The following FHOD1 variants were observed in gnomAD, a reference collection of about 807,000 sequenced individuals.
FHOD1 encodes formin homology 2 domain containing 1.
A neutral mutation model predicts 111.6 loss-of-function variants in FHOD1; 89 were observed. The observed-to-expected ratio is 0.80, with a 90% CI of 0.67 to 0.95. The LOEUF (loss-of-function observed/expected upper bound fraction) is 0.95. FHOD1 is among the 40% of genes least tolerant of loss of function. The probability of loss-of-function intolerance (pLI) is 0.00; values close to 1 mark genes in which losing one functional copy is unlikely to be tolerated. For missense variants in FHOD1, 1,446 were observed against 1,554.2 expected (o/e 0.93, Z 1.17); for synonymous variants, 618 against 639.0 (o/e 0.97, Z 0.50).
chr16:67,235,148 G>A (rs1275564438), intron 11 of FHOD1, among the ~76,000 whole-genome samples: 2 of 152,176 alleles, frequency 1.3e-5, no homozygotes, highest in Non-Finnish European at 2.9e-5. Flanking sequence ...TTAGAGCAGG[G>A]GAAGGGGATA....
At chr16:67,246,899 G>A (rs2034864374) in intron 1 of FHOD1, 1 of 366,160 alleles carries the variant, frequency 2.7e-6, no homozygotes, top group Non-Finnish European at 4.9e-6. Context: ...AGCGGCTACC[G>A]TCACTCTGAC....
rs2034490330 is a variant in FHOD1 at position 67,236,676 on chromosome 16, C to T, written c.1200G>A (p.Leu400=). 1.2e-6 allele frequency: 2 copies of T among 1,602,094 alleles called. No homozygotes were observed. Among genetic ancestry groups the T allele is most frequent in the Middle Eastern group, 1.7e-4 (1 of 5,744 alleles). Residue 400 remains leucine (L), a synonymous_variant, in exon 11 of 22, where the codon CTG becomes CTA. Transcript: ENST00000258201. The part of the protein sequence containing the change: ...GPTSSTGPAL[L]TGPASSPVGP... Reference sequence around the variant, plus strand: ...CCACAGGGCTGGAGGCGGGGCCTGTCAGCAGGGCGGGGCCGGTGGAAGAGG... The same window carrying T: ...CCACAGGGCTGGAGGCGGGGCCTGTTAGCAGGGCGGGGCCGGTGGAAGAGG...
Position 67,230,150 on chromosome 16 carries a change from G to A in FHOD1, c.3130C>T (p.Arg1044Trp), listed in dbSNP as rs373710737. The A allele has an allele frequency of 1.9e-5, 31 of 1,614,164 alleles. No individual in the cohort carries two copies. In the East Asian group the frequency reaches 2.0e-4, roughly 10 times the overall value. ...VPVAVSSGPG[R>W]GDADSHASMK... Reference sequence around the variant, plus strand: ...CTAGCATGACTGTCAGCATCTCCCCGGCCTGGCCCGCTGCTCACTGCTACT... The same window carrying A: ...CTAGCATGACTGTCAGCATCTCCCCAGCCTGGCCCGCTGCTCACTGCTACT... Residue 1044 changes from arginine to tryptophan, a missense_variant, in exon 20 of 22, where the codon CGG becomes TGG. Transcript: ENST00000258201.
chr16:67,236,140 G>C, intron 11 of FHOD1: 1 of 661,138 alleles, frequency 1.5e-6, no homozygotes, highest in Non-Finnish European at 1.9e-6. Flanking sequence ...TACCCACACA[G>C]AGCTAGGCAG....
chr16:67,234,733 A>C, intron 11 of FHOD1: 1 of 458,226 alleles, frequency 2.2e-6, no homozygotes, highest in Non-Finnish European at 3.9e-6. Context: ...CTAACTTGCA[A>C]CCTCGTTCAT....
At chr16:67,240,652 C>T (rs1316953737) in intron 1 of FHOD1, among the ~76,000 whole-genome samples, 1 of 152,256 alleles carries the variant, frequency 6.6e-6, no homozygotes, top group Non-Finnish European at 1.5e-5. Flanking sequence ...TCCCCGGGCT[C>T]TCCTCCCCCG....
chr16:67,230,417 A>G lies in FHOD1; in HGVS notation c.2948T>C (p.Phe983Ser). 6.2e-7 allele frequency: 1 copy of G among 1,614,232 alleles called. No individual in the cohort carries two copies. Among genetic ancestry groups the G allele is most frequent in the Non-Finnish European group, 8.5e-7 (1 of 1,180,030 alleles). Residue 983 changes from phenylalanine to serine, a missense_variant, in exon 19 of 22, where the codon TTT (phenylalanine) becomes TCT (serine). Physicochemically the swap from Phe to Ser is radical, Grantham distance 155. This residue lies in a region of FHOD1 where 1,085 missense variants were observed against 1,108.8 expected (regional missense o/e 0.98). Transcript: ENST00000258201. ...IMQFCHTLRE[F>S]ALEYRTCRER... ...CCGGCAAGTCCGATACTCAAGCGCA[A>G]ATTCCCGCAGCGTGTGGCAGAACTG...
At position 67,233,672 on chromosome 16, in the gene FHOD1, C is replaced by G. The variant is rs146291728; in HGVS notation, c.2031G>C (p.Glu677Asp). The G allele has an allele frequency of 1.3e-6, 2 of 1,598,018 alleles. No homozygotes were observed. The highest frequency in any genetic ancestry group is 1.3e-5 in the African/African-American group (1 of 74,686). ...LEHLFESRAK[E>D]VLPSKKAGEG... ...GTGGATTTACCTTGGAGGGCAGCACCTCTTTGGCACGAGACTCAAAGAGGT... is the reference window on the plus strand; with the variant it reads ...GTGGATTTACCTTGGAGGGCAGCACGTCTTTGGCACGAGACTCAAAGAGGT... The change falls in exon 13 of 22, where the codon GAG (glutamate) becomes GAC (aspartate). Residue 677 changes from glutamate (E) to aspartate (D), a missense_variant. By Grantham distance (45) the Glu-to-Asp change is conservative (BLOSUM62 2). Around this residue, in one of 3 missense-constraint regions of FHOD1, gnomAD observed 1,085 missense variants for 1,108.8 expected, o/e 0.98. Coordinates refer to ENST00000258201, the MANE Select transcript of FHOD1 (RefSeq NM_013241.3).
At chr16:67,246,242 G>GGCTGGGAGCAGGGGAGGGA (rs1555498389) in intron 1 of FHOD1, among the ~76,000 whole-genome samples, 1 of 152,212 alleles carries the variant, frequency 6.6e-6, no homozygotes, top group Non-Finnish European at 1.5e-5. Context: ...GCCCAGCTGA[G>GGCTGGGAGCAGGGGAGGGA]GCTGGGAGCA....
At chr16:67,239,552 G>T in intron 1 of FHOD1, 98 bp from the exon 2 acceptor site, 1 of 827,200 alleles carries the variant, frequency 1.2e-6, no homozygotes, top group South Asian at 1.4e-5. Flanking sequence ...GGGTGGCAGA[G>T]AGACACAGGG....
Position 67,239,119 on chromosome 16 carries a change from G to C in FHOD1, c.309-152C>G, listed in dbSNP as rs184015230. On this transcript the variant is annotated intron_variant, in intron 2 of 21. Coordinates refer to ENST00000258201, the MANE Select transcript of FHOD1 (RefSeq NM_013241.3). ...AAGAACCCAAGGGTTGGTCGGACAA[G>C]AGGGTTGGTGCAAACACATGTATCT... 8.2e-4 allele frequency: 650 copies of C among 788,732 alleles called. 3 individuals are homozygous for C. Among genetic ancestry groups the C allele is most frequent in the Middle Eastern group, 6.9e-3 (21 of 3,062 alleles). The allele number at this position is 788,732 out of a possible 1,614,324, so 48.9% of individuals were successfully genotyped here.
chr16:67,247,322 G>A lies in FHOD1; in HGVS notation c.89C>T (p.Ala30Val), dbSNP rs2034901031. The A allele has an allele frequency of 1.2e-6, 2 of 1,613,530 alleles. No individual in the cohort carries two copies. The highest frequency in any genetic ancestry group is 1.7e-6 in the Non-Finnish European group (2 of 1,179,834). The change falls in exon 1 of 22, where the codon GCA (alanine) becomes GTA (valine). Residue 30 changes from alanine to valine, a missense_variant. By Grantham distance (64) the Ala-to-Val change is moderately conservative. This residue lies in a region of FHOD1 where 127 missense variants were observed against 118.0 expected (regional missense o/e 1.08). Coordinates refer to ENST00000258201, the MANE Select transcript of FHOD1 (RefSeq NM_013241.3). ...GCGCGGCTCCGGAAAGTTGGCACATGCGAAGGGGTCGGTGTCTTCCAGGTA... is the reference window on the plus strand; with the variant it reads ...GCGCGGCTCCGGAAAGTTGGCACATACGAAGGGGTCGGTGTCTTCCAGGTA... Reference protein sequence around the residue: ...VQYLEDTDPFACANFPEPRRA... With the variant: ...VQYLEDTDPFVCANFPEPRRA...
In FHOD1 at chr16:67,235,691, C is replaced by G. The variant is rs2034451144; in HGVS notation, c.1319+866G>C. 4.6e-5 allele frequency among the ~76,000 whole-genome samples: 7 copies of G among 152,244 alleles called. No individual in the cohort carries two copies. The South Asian group carries it at 1.0e-3, about 23-fold the overall frequency. On this transcript the variant is annotated intron_variant, in intron 11 of 21. Transcript: ENST00000258201. ...CAGCCTTAGGTTACCCCTCCACCCC[C>G]ACACCACACACCACACAGCACCCTA...
Position 67,236,638 on chromosome 16 carries a change from C to T in FHOD1, c.1238G>A (p.Gly413Asp). 1 of 1,613,032 alleles carries T rather than the reference C, an allele frequency of 6.2e-7. No homozygotes were observed. The highest frequency in any genetic ancestry group is 8.5e-7 in the Non-Finnish European group (1 of 1,179,648). Residue 413 changes from glycine to aspartate, a missense_variant, in exon 11 of 22, where the codon GGT (glycine) becomes GAT (aspartate). Coordinates refer to ENST00000258201, the MANE Select transcript of FHOD1 (RefSeq NM_013241.3). ...AAAAAGGTTCACTGAAGCTTGGAGA[C>T]CGGAGGGAGGGCCCACAGGGCTGGA... ...PASSPVGPPS[G>D]LQASVNLFPT...
chr16:67,230,094 C>G lies in FHOD1; in HGVS notation c.3186G>C (p.Glu1062Asp). 3 of 1,614,208 alleles carry G rather than the reference C, an allele frequency of 1.9e-6. No individual in the cohort carries two copies. The highest frequency in any genetic ancestry group is 2.5e-6 in the Non-Finnish European group (3 of 1,180,036). The change falls in exon 20 of 22, where the codon GAG becomes GAC. Residue 1062 changes from glutamate to aspartate, a missense_variant. Coordinates refer to ENST00000258201, the MANE Select transcript of FHOD1 (RefSeq NM_013241.3). Reference sequence around the variant, plus strand: ...TGCTGCGGCGATTGTGTGTGGTGTCCTCAGGCCTGCTGGTCAGCAGACTCT... The same window carrying G: ...TGCTGCGGCGATTGTGTGTGGTGTCGTCAGGCCTGCTGGTCAGCAGACTCT... ...SMKSLLTSRPEDTTHNRRSRG... is the reference protein window; with the variant it reads ...SMKSLLTSRPDDTTHNRRSRG...
At chr16:67,241,089 G>T (rs2034649688) in intron 1 of FHOD1, among the ~76,000 whole-genome samples, 1 of 144,362 alleles carries the variant, frequency 6.9e-6, no homozygotes, top group African/African-American at 2.7e-5. Flanking sequence ...CTTCCCCACA[G>T]TTTAGCCTGT....
rs2034389028 is a variant in FHOD1 at position 67,234,146 on chromosome 16, C to T, written c.1557G>A (p.Leu519=). Residue 519 remains leucine (L), a synonymous_variant, in exon 13 of 22, where the codon CTG becomes CTA. Transcript: ENST00000258201. ...RSLAPEPKEP[L]IPASPKAEPI... is the part of the protein sequence containing the mutation. Reference sequence around the variant, plus strand: ...GCTCAGCCTTGGGGCTTGCTGGTATCAGTGGCTCCTTGGGCTCTGGTGCAA... The same window carrying T: ...GCTCAGCCTTGGGGCTTGCTGGTATTAGTGGCTCCTTGGGCTCTGGTGCAA... 6.4e-7 allele frequency: 1 copy of T among 1,564,614 alleles called. No homozygotes were observed. The highest frequency in any genetic ancestry group is 1.8e-5 in the Admixed American group (1 of 55,278).
rs1424073702 is a variant in FHOD1, at chr16:67,244,177, C to T, written c.201+3033G>A. ...GAGAGGGCTTTCCTGGCCTTTGCAG[C>T]AGGGTCAGAGAAGCACCCCAGATCC... On this transcript the variant is annotated intron_variant, in intron 1 of 21. Transcript: ENST00000258201. Among the ~76,000 whole-genome samples the T allele has an allele frequency of 2.6e-5, 4 of 152,104 alleles. No individual in the cohort carries two copies. In the East Asian group the frequency reaches 7.7e-4, roughly 29 times the overall value.
chr16:67,236,267 A>G (rs1365268148), intron 11 of FHOD1: 1 of 832,498 alleles, frequency 1.2e-6, no homozygotes. Flanking sequence ...GAAGAGACAG[A>G]GGCAGCAGAA....
Sources: allele counts gnomAD v4.1 joint callset (sites outside exome capture counted in the v4.1 genomes callset), GRCh38; gene constraint gnomAD v4.1.1; regional missense constraint gnomAD v4.1.1; transcripts MANE v1.5; gene names NCBI Gene and HGNC (gene_info 2026-07-23, HGNC 2026-07-21).